The following CDH18 variants were observed in gnomAD, a reference collection of about 807,000 sequenced individuals.
CDH18 encodes cadherin-18.
A neutral mutation model predicts 67.9 loss-of-function variants in CDH18; 31 were observed. That is an observed-to-expected ratio of 0.46 (90% CI 0.34 to 0.62). The LOEUF (loss-of-function observed/expected upper bound fraction) is 0.62, where lower values mean the gene tolerates loss of function less well. Among genes scored for constraint, CDH18 ranks in the 20% least tolerant of loss-of-function variants. The pLI, the probability that CDH18 is intolerant of heterozygous loss-of-function variation, is 0.01. For synonymous variants in CDH18, 362 were observed against 347.2 expected (o/e 1.04, Z -0.48); for missense variants, 890 against 975.5 (o/e 0.91, Z 1.17).
chr5:19,510,335 G>A (rs985539630), intron 10 of CDH18, among the ~76,000 whole-genome samples: 7 of 152,010 alleles, frequency 4.6e-5, no homozygotes, highest in Non-Finnish European at 1.5e-5. Flanking sequence ...CACATACACT[G>A]GTAATGATTT....
At chr5:19,955,089 A>AG (rs1796137277) in intron 2 of CDH18, among the ~76,000 whole-genome samples, 1 of 152,120 alleles carries the variant, frequency 6.6e-6, no homozygotes, top group African/African-American at 2.4e-5. Context: ...GGTTTCATAA[A>AG]GGGCTTTTCC....
chr5:19,918,309 TA>T (rs565098873), intron 2 of CDH18, among the ~76,000 whole-genome samples: 1 of 152,192 alleles, frequency 6.6e-6, no homozygotes, highest in Non-Finnish European at 1.5e-5. Flanking sequence ...ACATTTATCT[TA>T]AAAAATGGAT....
At chr5:20,546,058 C>A (rs1442509281) in intron 1 of CDH18, among the ~76,000 whole-genome samples, 1 of 152,066 alleles carries the variant, frequency 6.6e-6, no homozygotes, top group African/African-American at 2.4e-5. Flanking sequence ...GTTCAAAGTT[C>A]CACAGATCTC....
intron 5 of CDH18, among the ~76,000 whole-genome samples, chr5:19,647,393 G>T (rs980588566): frequency 6.6e-6 from 1 of 151,414 alleles, no homozygotes; most frequent in African/African-American, 2.4e-5. Context: ...AGCTGAGCAT[G>T]GTGGCACAGA....
intron 5 of CDH18, among the ~76,000 whole-genome samples, chr5:19,663,116 G>A (rs753628894): frequency 7.9e-5 from 12 of 151,798 alleles, no homozygotes; most frequent in Non-Finnish European, 1.6e-4. Flanking sequence ...ATGCAACTAT[G>A]CATTAAAGAT....
chr5:20,236,903 A>G (rs1290175292), intron 2 of CDH18, among the ~76,000 whole-genome samples: 1 of 152,038 alleles, frequency 6.6e-6, no homozygotes, highest in Admixed American at 6.6e-5. Flanking sequence ...CAAATCAAAT[A>G]TAACAGTTTC....
intron 2 of CDH18, among the ~76,000 whole-genome samples, chr5:19,845,177 TAA>T (rs142351005): frequency 6.6e-6 from 1 of 151,482 alleles, no homozygotes; most frequent in Non-Finnish European, 1.5e-5. Flanking sequence ...TTCAAAGAAT[TAA>T]AAAAAAATAA....
intron 2 of CDH18, among the ~76,000 whole-genome samples, chr5:20,183,739 G>C (rs1350200839): frequency 6.6e-6 from 1 of 152,086 alleles, no homozygotes; most frequent in Non-Finnish European, 1.5e-5. Context: ...AGGATCCAGA[G>C]ACTGTGTACT....
At chr5:20,441,194 T>G (rs1211796628) in intron 1 of CDH18, among the ~76,000 whole-genome samples, 1 of 151,870 alleles carries the variant, frequency 6.6e-6, no homozygotes, top group Non-Finnish European at 1.5e-5. Flanking sequence ...TCACTCAATT[T>G]ACAAAGCCAA....
intron 1 of CDH18, among the ~76,000 whole-genome samples, chr5:20,453,172 TGTG>T (rs1686697031): frequency 6.6e-6 from 1 of 152,184 alleles, no homozygotes; most frequent in South Asian, 2.1e-4. Flanking sequence ...GGAAGGCTGA[TGTG>T]GTAGAGAGAT....
Position 19,993,643 on chromosome 5 carries a change from G to T in CDH18, c.-517-1629C>A, listed in dbSNP as rs113313975. Among the ~76,000 whole-genome samples the T allele has an allele frequency of 5.8e-3, 875 of 151,802 alleles. 14 individuals carry two copies. The highest frequency in any genetic ancestry group is 0.02 in the African/African-American group (829 of 41,404). On this transcript the variant is annotated intron_variant, in intron 2 of 14. Transcript: ENST00000507958. The stretch of plus-strand genomic sequence containing the variant: ...ATATAGATATATACACATATATATA[G>T]AGATAAATAGATATTATACATAGAT...
chr5:20,125,918 C>A (rs779145281), intron 2 of CDH18, among the ~76,000 whole-genome samples: 3 of 152,120 alleles, frequency 2.0e-5, no homozygotes, highest in Non-Finnish European at 2.9e-5. Flanking sequence ...AATGCAAACC[C>A]ATTCAATATC....
chr5:19,857,218 A>G (rs1278407017), intron 2 of CDH18, among the ~76,000 whole-genome samples: 1 of 151,516 alleles, frequency 6.6e-6, no homozygotes, highest in Non-Finnish European at 1.5e-5. Flanking sequence ...CATCAGACAG[A>G]GACCCTGTCT....
At chr5:20,030,798 T>C (rs2150450862) in intron 2 of CDH18, among the ~76,000 whole-genome samples, 2 of 152,220 alleles carry the variant, frequency 1.3e-5, no homozygotes, top group African/African-American at 4.8e-5. Flanking sequence ...AGAAAGTGGA[T>C]TTTATAAGAC....
chr5:20,571,971 G>A (rs1156925239), intron 1 of CDH18, among the ~76,000 whole-genome samples: 1 of 152,114 alleles, frequency 6.6e-6, no homozygotes, highest in South Asian at 2.1e-4. Context: ...CTGCTGTAGA[G>A]ATGGGAGGAA....
At chr5:20,000,853 A>C (rs2150400400) in intron 2 of CDH18, among the ~76,000 whole-genome samples, 1 of 152,260 alleles carries the variant, frequency 6.6e-6, no homozygotes, top group Admixed American at 6.5e-5. Context: ...GGCACTTTAA[A>C]GGAAAAGTCT....
At chr5:19,836,390 T>C (rs989943639) in intron 3 of CDH18, among the ~76,000 whole-genome samples, 1 of 152,178 alleles carries the variant, frequency 6.6e-6, no homozygotes, top group Non-Finnish European at 1.5e-5. Context: ...TTTCACTGTG[T>C]TTTTTATTTG....
At chr5:20,127,075 A>T (rs1347647240) in intron 2 of CDH18, among the ~76,000 whole-genome samples, 1 of 152,178 alleles carries the variant, frequency 6.6e-6, no homozygotes, top group Admixed American at 6.5e-5. Flanking sequence ...TAGAATTGCA[A>T]TCCCCAATGT....
At chr5:19,859,495 G>A (rs1784651102) in intron 2 of CDH18, among the ~76,000 whole-genome samples, 1 of 152,060 alleles carries the variant, frequency 6.6e-6, no homozygotes. Context: ...TCCCTTTCCA[G>A]GTCTTTTTCC....
Sources: allele counts gnomAD v4.1 joint callset (sites outside exome capture counted in the v4.1 genomes callset), GRCh38; gene constraint gnomAD v4.1.1; transcripts MANE v1.5; gene names NCBI Gene and HGNC (gene_info 2026-07-23, HGNC 2026-07-21).